SCN8A: variants seen among roughly 807,000 people sequenced by gnomAD.
SCN8A encodes the protein sodium channel protein type 8 subunit alpha.
In SCN8A, 30 loss-of-function variants were observed where a neutral mutation model predicts 184.1. The ratio of observed to expected loss-of-function variants is 0.16; its 90% CI spans 0.12 to 0.22. The LOEUF (loss-of-function observed/expected upper bound fraction) is 0.22. Ranked by LOEUF, SCN8A falls within the 10% of genes least tolerant of loss-of-function variation. SCN8A has a pLI of 1.00. For missense variants in SCN8A, 1,057 were observed against 2,498.9 expected, an observed-to-expected ratio of 0.42 and a Z score of 12.30; for synonymous variants, 852 against 907.0, an observed-to-expected ratio of 0.94 and a Z score of 1.09.
chr12:51,718,113 G>A (rs1285398373), intron 11 of SCN8A, among the ~76,000 whole-genome samples: 1 of 152,106 alleles, frequency 6.6e-6, no homozygotes, highest in Non-Finnish European at 1.5e-5. Flanking sequence ...AACCAGAAAC[G>A]GAATTGTAGC....
chr12:51,687,358 G>C, intron 5 of SCN8A, 139 bp downstream of exon 5: 1 of 941,776 alleles, frequency 1.1e-6, no homozygotes, highest in Non-Finnish European at 1.6e-6. Flanking sequence ...GGCCCTGTGG[G>C]CTTATGTCTA....
intron 1 of SCN8A, among the ~76,000 whole-genome samples, chr12:51,616,629 G>A (rs1939844256): frequency 6.6e-6 from 1 of 151,952 alleles, no homozygotes; most frequent in African/African-American, 2.4e-5. Context: ...AACAAAAAGT[G>A]TTTCACTGGG....
At chr12:51,609,604 C>G (rs926130037) in intron 1 of SCN8A, among the ~76,000 whole-genome samples, 1 of 152,066 alleles carries the variant, frequency 6.6e-6, no homozygotes, top group African/African-American at 2.4e-5. Flanking sequence ...AATAGCTACC[C>G]CTAGGCTGGG....
chr12:51,715,647 GTC>G lies in SCN8A; in HGVS notation c.1636-5895_1636-5894del, dbSNP rs1345562540. The stretch of plus-strand genomic sequence containing the variant: ...CACTTCAGCCTGGGTGACAGAGCAA[GTC>G]TCTGTCTCAAAAAAAAAAAAAAAAA... On this transcript the variant is annotated intron_variant, in intron 11 of 26. Coordinates refer to ENST00000627620, the MANE Select transcript of SCN8A (RefSeq NM_001330260.2). Among the ~76,000 whole-genome samples the G allele has an allele frequency of 7.7e-5, 7 of 91,296 alleles. No homozygotes were observed. In the Admixed American group the frequency reaches 9.1e-4, roughly 12 times the overall value. 59.9% of individuals were successfully genotyped at this position (91,296 alleles called of 152,430 possible).
At chr12:51,725,354 A>G (rs1418383002) in intron 12 of SCN8A, among the ~76,000 whole-genome samples, 1 of 152,204 alleles carries the variant, frequency 6.6e-6, no homozygotes, top group East Asian at 1.9e-4. Flanking sequence ...AAAGAAGATG[A>G]CCAGCCAATA....
intron 6 of SCN8A, among the ~76,000 whole-genome samples, chr12:51,691,183 C>A (rs959440379): frequency 2.0e-5 from 3 of 152,124 alleles, no homozygotes; most frequent in African/African-American, 7.2e-5. Flanking sequence ...CTTCCCTCAG[C>A]GTACTCTGCA....
At chr12:51,679,842 C>T (rs1189750253) in intron 2 of SCN8A, among the ~76,000 whole-genome samples, 2 of 151,088 alleles carry the variant, frequency 1.3e-5, no homozygotes, top group Non-Finnish European at 2.9e-5. Flanking sequence ...TCTCCTGCCT[C>T]AGCCTCCAGA....
At chr12:51,800,112 C>T (rs1327077752) in intron 26 of SCN8A, among the ~76,000 whole-genome samples, 2 of 152,224 alleles carry the variant, frequency 1.3e-5, no homozygotes, top group Admixed American at 6.5e-5. Context: ...TTTATATACC[C>T]CTGAGGTAGG....
intron 1 of SCN8A, among the ~76,000 whole-genome samples, chr12:51,608,822 C>T (rs545616745): frequency 6.6e-6 from 1 of 152,158 alleles, no homozygotes; most frequent in South Asian, 2.1e-4. Flanking sequence ...GAGGTGTGAC[C>T]TTAGATGTCA....
At chr12:51,611,384 C>G (rs373724046) in intron 1 of SCN8A, among the ~76,000 whole-genome samples, 3 of 152,090 alleles carry the variant, frequency 2.0e-5, no homozygotes, top group African/African-American at 7.2e-5. Context: ...AGGATGGTCT[C>G]GATCTCCTGA....
chr12:51,736,770 A>G (rs1003866925), intron 12 of SCN8A, among the ~76,000 whole-genome samples: 8 of 152,246 alleles, frequency 5.3e-5, no homozygotes, highest in African/African-American at 1.7e-4. Context: ...GAGAATTTTC[A>G]ATTAACCGTG....
intron 1 of SCN8A, among the ~76,000 whole-genome samples, chr12:51,611,165 A>G (rs1939711181): frequency 6.6e-6 from 1 of 151,062 alleles, no homozygotes; most frequent in Non-Finnish European, 1.5e-5. Context: ...TAGATTCTAC[A>G]TGTTTTGTTA....
chr12:51,650,559 C>T (rs2138650797), intron 1 of SCN8A, among the ~76,000 whole-genome samples: 1 of 142,988 alleles, frequency 7.0e-6, no homozygotes, highest in South Asian at 2.2e-4. Context: ...GCCCAAGCTG[C>T]AGTGCAGTGG....
intron 6 of SCN8A, among the ~76,000 whole-genome samples, chr12:51,691,591 T>C (rs1592382562): frequency 6.6e-6 from 1 of 152,276 alleles, no homozygotes; most frequent in South Asian, 2.1e-4. Context: ...AGACATCAGC[T>C]TCACAGTTTG....
chr12:51,764,344 C>T (rs1429632726), intron 15 of SCN8A, among the ~76,000 whole-genome samples: 1 of 152,162 alleles, frequency 6.6e-6, no homozygotes, highest in Non-Finnish European at 1.5e-5. Context: ...CGTTATAATT[C>T]TCAGGCTGGG....
intron 1 of SCN8A, among the ~76,000 whole-genome samples, chr12:51,620,344 T>C (rs1313878347): frequency 6.6e-6 from 1 of 152,210 alleles, no homozygotes; most frequent in African/African-American, 2.4e-5. Context: ...ATGAATAAAA[T>C]TAGCTTTAAA....
At chr12:51,765,376 A>G (rs1401792286) in intron 15 of SCN8A, among the ~76,000 whole-genome samples, 1 of 152,120 alleles carries the variant, frequency 6.6e-6, no homozygotes, top group African/African-American at 2.4e-5. Flanking sequence ...ATATGTTCAT[A>G]TGTGGGTTTT....
At chr12:51,598,015 A>G (rs1396409257) in intron 1 of SCN8A, among the ~76,000 whole-genome samples, 3 of 152,188 alleles carry the variant, frequency 2.0e-5, no homozygotes, top group African/African-American at 7.2e-5. Context: ...AGAGGTCAGA[A>G]TACCCAGAAA....
chr12:51,800,721 C>CT (rs1938533709), intron 26 of SCN8A, among the ~76,000 whole-genome samples: 1 of 152,228 alleles, frequency 6.6e-6, no homozygotes, highest in African/African-American at 2.4e-5. Flanking sequence ...AGCCCTTACT[C>CT]TAACTGGAGG....
Sources: gnomAD v4.1 joint callset for allele counts (sites outside exome capture counted in the v4.1 genomes callset) on GRCh38, gnomAD v4.1.1 for gene constraint, MANE v1.5 for transcripts, NCBI Gene and HGNC (gene_info 2026-07-23, HGNC 2026-07-21) for gene names.